The following ADAM7 variants were observed in gnomAD, a reference collection of about 807,000 sequenced individuals.
ADAM7 encodes the protein ADAM metallopeptidase domain 7.
A neutral mutation model predicts 102.9 loss-of-function variants in ADAM7; 97 were observed. The observed-to-expected ratio is 0.94, with a 90% CI of 0.80 to 1.12. The LOEUF (loss-of-function observed/expected upper bound fraction) is 1.12. Among genes scored for constraint, ADAM7 ranks in the 50% most tolerant of loss-of-function variants. The pLI, the probability that ADAM7 is intolerant of heterozygous loss-of-function variation, is 0.00. For missense variants in ADAM7, 991 were observed against 908.7 expected (o/e 1.09, Z -1.16); for synonymous variants, 334 against 304.4 (o/e 1.10, Z -1.01).
intron 7 of ADAM7, among the ~76,000 whole-genome samples, chr8:24,473,633 G>A (rs536265763): frequency 5.6e-4 from 85 of 152,254 alleles, no homozygotes; most frequent in African/African-American, 1.7e-3. Context: ...AGTCATTACA[G>A]TAACAATCTA....
rs1820427198 is a variant in ADAM7 at position 24,493,162 on chromosome 8, T to C, written c.1775T>C (p.Ile592Thr). The change falls in exon 16 of 22, where the codon ATT becomes ACT. Residue 592 changes from isoleucine (I) to threonine (T), a missense_variant. Transcript: ENST00000175238. ...QKNATVKCKT[I>T]FLYHDSTDIG... ...AATGCTACTGTCAAATGCAAAACTA[T>C]TTTTTTATACCATGATTCTACAGAC... 1.9e-6 allele frequency: 3 copies of C among 1,612,640 alleles called. No individual in the cohort carries two copies. The highest frequency in any genetic ancestry group is 8.5e-7 in the Non-Finnish European group (1 of 1,179,398).
chr8:24,456,565 G>A (rs1387780730), intron 3 of ADAM7, among the ~76,000 whole-genome samples: 1 of 151,164 alleles, frequency 6.6e-6, no homozygotes, highest in African/African-American at 2.4e-5. Context: ...TAAAAATACA[G>A]AACTAACACT....
intron 2 of ADAM7, among the ~76,000 whole-genome samples, chr8:24,445,973 C>T (rs867186606): frequency 2.0e-5 from 3 of 152,168 alleles, no homozygotes; most frequent in Non-Finnish European, 2.9e-5. Flanking sequence ...GCTCATTACA[C>T]TCCACTATGT....
Position 24,463,933 on chromosome 8 carries a change from A to C in ADAM7, c.285A>C (p.Glu95Asp). The C allele has an allele frequency of 1.9e-6, 3 of 1,613,762 alleles. No homozygotes were observed. Among genetic ancestry groups the C allele is most frequent in the East Asian group, 2.2e-5 (1 of 44,828 alleles). The change falls in exon 4 of 22, where the codon GAA (glutamate) becomes GAC (aspartate). Residue 95 changes from glutamate (E) to aspartate (D), a missense_variant. Physicochemically the swap from Glu to Asp is conservative, Grantham distance 45 (BLOSUM62 2). Coordinates refer to ENST00000175238, the MANE Select transcript of ADAM7 (RefSeq NM_003817.4). ...YSETFYSMKG[E>D]AFTRHPQIMD... The stretch of plus-strand genomic sequence containing the variant: ...AAACATTCTACTCCATGAAAGGAGA[A>C]GCGTTCACCAGGCATCCTCAGATCA...
intron 3 of ADAM7, among the ~76,000 whole-genome samples, chr8:24,459,863 T>G (rs1394222315): frequency 6.6e-6 from 1 of 152,148 alleles, no homozygotes; most frequent in Non-Finnish European, 1.5e-5. Context: ...TATTGAGTGT[T>G]TATTTTTCTC....
In ADAM7 at chr8:24,487,196, C is replaced by T. The variant is rs1300304131; in HGVS notation, c.970C>T (p.Pro324Ser). The change falls in exon 11 of 22, where the codon CCT becomes TCT. Residue 324 changes from proline to serine, a missense_variant. Coordinates refer to ENST00000175238, the MANE Select transcript of ADAM7 (RefSeq NM_003817.4). The part of the protein sequence containing the change: ...YSTSIIKDLL[P>S]DTNIIANRMA... Reference sequence around the variant, plus strand: ...ATTGTTTTATCATCAGGATCTTTTACCTGACACAAACATAATTGCAAACAG... The same window carrying T: ...ATTGTTTTATCATCAGGATCTTTTATCTGACACAAACATAATTGCAAACAG... 18 of 1,613,254 alleles carry T rather than the reference C, an allele frequency of 1.1e-5. No individual in the cohort carries two copies. Among genetic ancestry groups the T allele is most frequent in the Non-Finnish European group, 1.5e-5 (18 of 1,179,584 alleles).
At position 24,482,182 on chromosome 8, in the gene ADAM7, T is replaced by C. The variant is rs140597991; in HGVS notation, c.746T>C (p.Ile249Thr). 2.5e-6 allele frequency: 4 copies of C among 1,598,136 alleles called. No homozygotes were observed. Among genetic ancestry groups the C allele is most frequent in the Non-Finnish European group, 3.4e-6 (4 of 1,175,564 alleles). ...TLNIHVTLVG[I>T]EIWTHEDKIE... is the part of the protein sequence containing the mutation. ...AACATCCATGTGACGTTGGTTGGCATTGAAATATGGACACATGAAGATAAA... is the reference window on the plus strand; with the variant it reads ...AACATCCATGTGACGTTGGTTGGCACTGAAATATGGACACATGAAGATAAA... The change falls in exon 9 of 22, where the codon ATT (isoleucine) becomes ACT (threonine). Residue 249 changes from isoleucine (I) to threonine (T), a missense_variant. By Grantham distance (89) the Ile-to-Thr change is moderately conservative. Transcript: ENST00000175238.
chr8:24,445,525 A>G (rs1818523708), intron 2 of ADAM7, among the ~76,000 whole-genome samples: 1 of 152,188 alleles, frequency 6.6e-6, no homozygotes, highest in African/African-American at 2.4e-5. Context: ...TGAGGCTTGT[A>G]GATTCTAGCA....
At position 24,465,783 on chromosome 8, in the gene ADAM7, A is replaced by C; in HGVS notation, c.389+8A>C. 1 of 1,579,398 alleles carries C rather than the reference A, an allele frequency of 6.3e-7. No individual in the cohort carries two copies. Among genetic ancestry groups the C allele is most frequent in the Non-Finnish European group, 8.6e-7 (1 of 1,161,634 alleles). On this transcript the variant is annotated splice_region_variant and intron_variant, in intron 5 of 21. Coordinates refer to ENST00000175238, the MANE Select transcript of ADAM7 (RefSeq NM_003817.4). The stretch of plus-strand genomic sequence containing the variant: ...TACGTGTAATGGTCTAAGGTAATGC[A>C]GAATATCTTTCTTTTTCCTTTATGA...
At chr8:24,452,236 T>C (rs1585856351) in intron 3 of ADAM7, among the ~76,000 whole-genome samples, 1 of 151,212 alleles carries the variant, frequency 6.6e-6, no homozygotes, top group East Asian at 1.9e-4. Flanking sequence ...ATCTGTCTAA[T>C]GTTGACAGTG....
intron 2 of ADAM7, among the ~76,000 whole-genome samples, chr8:24,445,859 G>T (rs574101545): frequency 6.6e-6 from 1 of 152,114 alleles, no homozygotes; most frequent in African/African-American, 2.4e-5. Flanking sequence ...CTTCAAATGT[G>T]TCATGTTCCT....
chr8:24,458,882 T>C (rs1435342047), intron 3 of ADAM7, among the ~76,000 whole-genome samples: 1 of 151,960 alleles, frequency 6.6e-6, no homozygotes, highest in Non-Finnish European at 1.5e-5. Context: ...TGTACACTGA[T>C]TTTTGTTCAT....
chr8:24,450,386 C>T (rs1362405754), intron 3 of ADAM7, among the ~76,000 whole-genome samples: 2 of 151,994 alleles, frequency 1.3e-5, no homozygotes, highest in Admixed American at 1.3e-4. Flanking sequence ...AGTTGGATTC[C>T]TAGGTATTTT....
At chr8:24,470,907 C>G (rs1375987876) in intron 7 of ADAM7, among the ~76,000 whole-genome samples, 1 of 152,008 alleles carries the variant, frequency 6.6e-6, no homozygotes, top group Non-Finnish European at 1.5e-5. Context: ...GTGAGTCTTT[C>G]AGGACATATT....
At chr8:24,449,458 G>A (rs1563372609) in intron 3 of ADAM7, among the ~76,000 whole-genome samples, 1 of 152,168 alleles carries the variant, frequency 6.6e-6, no homozygotes, top group Non-Finnish European at 1.5e-5. Flanking sequence ...CTTCTTTTGA[G>A]AAGTGTCTGT....
intron 3 of ADAM7, among the ~76,000 whole-genome samples, chr8:24,460,276 A>G (rs1819192852): frequency 6.6e-6 from 1 of 151,920 alleles, no homozygotes; most frequent in African/African-American, 2.4e-5. Flanking sequence ...TTTGGTCCTG[A>G]TTTTTAATGC....
intron 7 of ADAM7, among the ~76,000 whole-genome samples, chr8:24,469,463 AT>A (rs1479179178): frequency 6.6e-6 from 1 of 152,206 alleles, no homozygotes; most frequent in Non-Finnish European, 1.5e-5. Flanking sequence ...ATGATATTAT[AT>A]ATTTCTTCAG....
intron 16 of ADAM7, among the ~76,000 whole-genome samples, chr8:24,496,448 A>T (rs1820556862): frequency 6.6e-6 from 1 of 152,154 alleles, no homozygotes; most frequent in Non-Finnish European, 1.5e-5. Flanking sequence ...CAGACCCTGG[A>T]ATGGTAGATC....
In ADAM7 at chr8:24,499,190, T is replaced by A. The variant is rs761104077; in HGVS notation, c.1843-46T>A. On this transcript the variant is annotated intron_variant, in intron 16 of 21. Transcript: ENST00000175238. ...CATTACATGAAATTACAATTTCACA[T>A]CAATTGTAAGTCATTTTAATTCATG... The A allele has an allele frequency of 2.8e-6, 4 of 1,410,938 alleles. No homozygotes were observed. In the East Asian group the frequency reaches 1.0e-4, roughly 36 times the overall value. The allele number at this position is 1,410,938 out of a possible 1,614,324, so 87.4% of individuals were successfully genotyped here.
Sources: gnomAD v4.1 joint callset for allele counts (sites outside exome capture counted in the v4.1 genomes callset) on GRCh38, gnomAD v4.1.1 for gene constraint, MANE v1.5 for transcripts, NCBI Gene and HGNC (gene_info 2026-07-23, HGNC 2026-07-21) for gene names.